Variants in IMMP2L observed in about 807,000 individuals in gnomAD.
IMMP2L encodes mitochondrial inner membrane protease subunit 2.
Under a neutral mutation model 19.3 loss-of-function variants are expected in IMMP2L, and 18 were observed. The ratio of observed to expected loss-of-function variants is 0.93; its 90% CI spans 0.64 to 1.38. The LOEUF (loss-of-function observed/expected upper bound fraction) is 1.38. IMMP2L is among the 40% of genes most tolerant of loss of function. The pLI, the probability that IMMP2L is intolerant of heterozygous loss-of-function variation, is 0.00. For synonymous variants in IMMP2L, 76 were observed against 73.0 expected, an observed-to-expected ratio of 1.04 and a Z score of -0.21; for missense variants, 233 against 218.2, an observed-to-expected ratio of 1.07 and a Z score of -0.43.
At chr7:111,160,715 A>C (rs185699187) in intron 3 of IMMP2L, among the ~76,000 whole-genome samples, 1 of 151,130 alleles carries the variant, frequency 6.6e-6, no homozygotes. Context: ...ATAAAAATTA[A>C]AGAAATATAA....
intron 3 of IMMP2L, among the ~76,000 whole-genome samples, chr7:110,996,517 C>G (rs1823043953): frequency 1.3e-5 from 2 of 152,112 alleles, no homozygotes. Context: ...TTTATTGTCA[C>G]TGTTAAGAAA....
chr7:111,162,319 A>G (rs1450479357), intron 3 of IMMP2L, among the ~76,000 whole-genome samples: 1 of 152,100 alleles, frequency 6.6e-6, no homozygotes, highest in East Asian at 1.9e-4. Flanking sequence ...ATTTGATTAT[A>G]ATTTTACGAA....
At chr7:111,487,146 G>A in intron 3 of IMMP2L, 92 bp downstream of exon 3, 2 of 580,854 alleles carry the variant, frequency 3.4e-6, no homozygotes, top group South Asian at 5.6e-5. Context: ...TTTAATAATT[G>A]GCAATATGAT....
At chr7:111,194,114 T>A (rs1411632953) in intron 3 of IMMP2L, among the ~76,000 whole-genome samples, 1 of 152,186 alleles carries the variant, frequency 6.6e-6, no homozygotes, top group African/African-American at 2.4e-5. Context: ...TTTACTCAAC[T>A]TCTGCCTTGG....
intron 5 of IMMP2L, among the ~76,000 whole-genome samples, chr7:110,865,481 C>T (rs1807891325): frequency 6.6e-6 from 1 of 152,086 alleles, no homozygotes; most frequent in Non-Finnish European, 1.5e-5. Flanking sequence ...GTTTGAAGCT[C>T]TAGCTATGGC....
At chr7:110,831,053 T>G (rs1345647961) in intron 5 of IMMP2L, among the ~76,000 whole-genome samples, 1 of 152,100 alleles carries the variant, frequency 6.6e-6, no homozygotes, top group Admixed American at 6.5e-5. Context: ...CCAAGCTCAT[T>G]TGGATTGCTG....
chr7:111,421,179 T>C (rs981697290), intron 3 of IMMP2L, among the ~76,000 whole-genome samples: 1 of 151,872 alleles, frequency 6.6e-6, no homozygotes, highest in Non-Finnish European at 1.5e-5. Flanking sequence ...CATTTTTTCA[T>C]GTGTCTGTTG....
chr7:111,137,926 GT>G (rs1802501366), intron 3 of IMMP2L, among the ~76,000 whole-genome samples: 1 of 152,190 alleles, frequency 6.6e-6, no homozygotes, highest in African/African-American at 2.4e-5. Flanking sequence ...CCAGGCTCAA[GT>G]GATCCTCCAG....
At chr7:111,300,851 C>T (rs1822145809) in intron 3 of IMMP2L, among the ~76,000 whole-genome samples, 1 of 152,136 alleles carries the variant, frequency 6.6e-6, no homozygotes, top group Non-Finnish European at 1.5e-5. Context: ...AGTTGCAGAA[C>T]ATTCAGGATG....
intron 3 of IMMP2L, among the ~76,000 whole-genome samples, chr7:111,403,257 C>T (rs888960739): frequency 2.6e-5 from 4 of 151,704 alleles, no homozygotes; most frequent in Non-Finnish European, 5.9e-5. Context: ...TAGGTCCTCC[C>T]CCCTCACTCT....
At chr7:110,809,230 G>A (rs1801853692) in intron 5 of IMMP2L, among the ~76,000 whole-genome samples, 1 of 151,980 alleles carries the variant, frequency 6.6e-6, no homozygotes, top group African/African-American at 2.4e-5. Flanking sequence ...AAATAATAAT[G>A]TATTTAGCTC....
chr7:111,527,248 C>T (rs1049802758), intron 1 of IMMP2L, among the ~76,000 whole-genome samples: 1 of 151,942 alleles, frequency 6.6e-6, no homozygotes, highest in African/African-American at 2.4e-5. Context: ...GCAAGACTTC[C>T]ATCTCTAAAA....
chr7:110,882,792 A>C (rs891567326), intron 5 of IMMP2L, among the ~76,000 whole-genome samples: 9 of 151,454 alleles, frequency 5.9e-5, no homozygotes. Context: ...TTAACCAAAG[A>C]AGCATTATAT....
chr7:111,048,261 AAAAAGAAAAAAAG>A lies in IMMP2L; in HGVS notation c.240-84709_240-84697del, dbSNP rs1303714963. Among the ~76,000 whole-genome samples the A allele has an allele frequency of 2.3e-3, 338 of 148,632 alleles. 1 individual carries two copies. Among genetic ancestry groups the A allele is most frequent in the African/African-American group, 8.0e-3 (312 of 39,156 alleles). On this transcript the variant is annotated intron_variant, in intron 3 of 5. Transcript: ENST00000405709. ...CTCAAAAAAAAAAAAAAAAAAAAAA[AAAAAGAAAAAAAG>A]AAAAAAGAAAAAAAGAAATCTGGCT...
At chr7:110,881,528 A>G (rs1350089676) in intron 5 of IMMP2L, among the ~76,000 whole-genome samples, 1 of 152,224 alleles carries the variant, frequency 6.6e-6, no homozygotes, top group African/African-American at 2.4e-5. Context: ...AAGCAACAAG[A>G]AAATATAACC....
intron 5 of IMMP2L, among the ~76,000 whole-genome samples, chr7:110,681,210 T>A (rs758857526): frequency 2.0e-5 from 3 of 152,112 alleles, no homozygotes; most frequent in Non-Finnish European, 4.4e-5. Flanking sequence ...GCTACCCAGA[T>A]CACTCAGTTA....
intron 1 of IMMP2L, among the ~76,000 whole-genome samples, chr7:111,554,434 A>T (rs1791028920): frequency 6.6e-6 from 1 of 151,958 alleles, no homozygotes. Flanking sequence ...ATTAAGGAAT[A>T]TTTTATTCCC....
At chr7:111,429,852 T>C (rs1484072797) in intron 3 of IMMP2L, among the ~76,000 whole-genome samples, 2 of 151,882 alleles carry the variant, frequency 1.3e-5, no homozygotes, top group Non-Finnish European at 2.9e-5. Flanking sequence ...TATTGGCCTG[T>C]ACTTTCACAA....
At chr7:111,269,397 A>T (rs983579990) in intron 3 of IMMP2L, among the ~76,000 whole-genome samples, 1 of 152,228 alleles carries the variant, frequency 6.6e-6, no homozygotes, top group African/African-American at 2.4e-5. Context: ...TCAAGTATAT[A>T]TCATCTTGAA....
Sources: gnomAD v4.1 joint callset for allele counts (sites outside exome capture counted in the v4.1 genomes callset) on GRCh38, gnomAD v4.1.1 for gene constraint, MANE v1.5 for transcripts, NCBI Gene and HGNC (gene_info 2026-07-23, HGNC 2026-07-21) for gene names.